The following ZNF385B variants were observed in gnomAD, a reference collection of about 807,000 sequenced individuals.
ZNF385B encodes the protein zinc finger protein 533.
In ZNF385B, 23 loss-of-function variants were observed where a neutral mutation model predicts 39.2. The observed-to-expected ratio is 0.59, with a 90% CI of 0.42 to 0.83. ZNF385B has a LOEUF of 0.83. Among genes scored for constraint, ZNF385B ranks in the 40% least tolerant of loss-of-function variants. The pLI, the probability that ZNF385B is intolerant of heterozygous loss-of-function variation, is 0.00. For missense variants in ZNF385B, 552 were observed against 598.9 expected (o/e 0.92, Z 0.82); for synonymous variants, 205 against 222.6 (o/e 0.92, Z 0.70).
At chr2:179,741,015 C>T (rs1256786716) in intron 3 of ZNF385B, among the ~76,000 whole-genome samples, 2 of 152,068 alleles carry the variant, frequency 1.3e-5, no homozygotes, top group African/African-American at 2.4e-5. Flanking sequence ...ACATTTAATT[C>T]AAAGAAGATA....
chr2:179,533,063 T>C (rs2105865783), intron 4 of ZNF385B, among the ~76,000 whole-genome samples: 1 of 152,310 alleles, frequency 6.6e-6, no homozygotes, highest in Non-Finnish European at 1.5e-5. Context: ...ACCCTTGCAC[T>C]GTAACAAAAT....
rs35322965 is a variant in ZNF385B at position 179,594,797 on chromosome 2, CT to C, written c.299-49829del. On this transcript the variant is annotated intron_variant, in intron 3 of 9. Transcript: ENST00000410066. ...TTGTCTCAGTTGATATAGGTAAACT[CT>C]TTTTTTTTTTTTCTGTTTTGTTTTT... Among the ~76,000 whole-genome samples, 46 of 145,462 alleles carry C rather than the reference CT, an allele frequency of 3.2e-4. 1 individual carries two copies. The highest frequency in any genetic ancestry group is 7.6e-4 in the African/African-American group (30 of 39,490).
chr2:179,705,469 T>A (rs1245455134), intron 3 of ZNF385B, among the ~76,000 whole-genome samples: 4 of 152,208 alleles, frequency 2.6e-5, no homozygotes, highest in East Asian at 3.8e-4. Context: ...AACATCCACA[T>A]GGGCAGCCCA....
Position 179,714,304 on chromosome 2 carries a change from T to C in ZNF385B, c.298+55199A>G, listed in dbSNP as rs188495243. Among the ~76,000 whole-genome samples the C allele has an allele frequency of 1.1e-3, 165 of 152,322 alleles. 3 individuals carry two copies. Among genetic ancestry groups the C allele is most frequent in the Admixed American group, 0.01 (153 of 15,294 alleles). On this transcript the variant is annotated intron_variant, in intron 3 of 9. Coordinates refer to ENST00000410066, the MANE Select transcript of ZNF385B (RefSeq NM_152520.6). ...TATCTCAGTTAATTCCATGATACCT[T>C]CATAAGCAAGGACTATTGTTATTCC... is the stretch of plus-strand genomic sequence containing the variant.
chr2:179,521,352 A>C (rs1293501992), intron 4 of ZNF385B, among the ~76,000 whole-genome samples: 1 of 34,540 alleles, frequency 2.9e-5, no homozygotes, highest in African/African-American at 8.8e-5. Context: ...GCACCTGGCC[A>C]GTTTTTTTTT....
intron 1 of ZNF385B, among the ~76,000 whole-genome samples, chr2:179,798,111 T>C (rs1705791143): frequency 6.6e-6 from 1 of 152,108 alleles, no homozygotes; most frequent in East Asian, 1.9e-4. Context: ...ACTTATGGAT[T>C]CTAACATATC....
chr2:179,452,184 G>T (rs189607144), intron 6 of ZNF385B, among the ~76,000 whole-genome samples: 40 of 152,134 alleles, frequency 2.6e-4, no homozygotes, highest in South Asian at 1.5e-3. Flanking sequence ...AGTGTCCTTG[G>T]GAAGTTCCAT....
intron 1 of ZNF385B, among the ~76,000 whole-genome samples, chr2:179,774,821 T>G (rs893017700): frequency 2.0e-5 from 3 of 152,196 alleles, no homozygotes; most frequent in Non-Finnish European, 4.4e-5. Flanking sequence ...TTTCATCTTG[T>G]AATTAAAAAT....
chr2:179,707,559 A>G (rs570105690), intron 3 of ZNF385B, among the ~76,000 whole-genome samples: 2 of 152,334 alleles, frequency 1.3e-5, no homozygotes, highest in South Asian at 4.1e-4. Flanking sequence ...TGAGCTTTTC[A>G]CTGCCAGCAT....
intron 1 of ZNF385B, among the ~76,000 whole-genome samples, chr2:179,844,028 C>T (rs193121212): frequency 2.5e-3 from 388 of 152,302 alleles, no homozygotes; most frequent in South Asian, 5.2e-3. Context: ...CAGAAAGAAG[C>T]GAGCAAGCCA....
At chr2:179,678,083 A>G (rs931404040) in intron 3 of ZNF385B, among the ~76,000 whole-genome samples, 14 of 152,196 alleles carry the variant, frequency 9.2e-5, no homozygotes, top group African/African-American at 3.4e-4. Context: ...GTTAAAGTCA[A>G]ACTGAATAAG....
chr2:179,647,447 C>T (rs1336762381), intron 3 of ZNF385B, among the ~76,000 whole-genome samples: 1 of 152,140 alleles, frequency 6.6e-6, no homozygotes, highest in Non-Finnish European at 1.5e-5. Context: ...CTATACCATA[C>T]TGCTGAGTCC....
At chr2:179,639,265 G>GA (rs1305144983) in intron 3 of ZNF385B, among the ~76,000 whole-genome samples, 3 of 134,402 alleles carry the variant, frequency 2.2e-5, no homozygotes, top group Non-Finnish European at 4.9e-5. Flanking sequence ...AGAAAGAAAA[G>GA]AAAAAAATGA....
rs146899118 is a variant in ZNF385B at position 179,493,504 on chromosome 2, T to C, written c.553-10070A>G. Among the ~76,000 whole-genome samples the C allele has an allele frequency of 2.5e-4, 37 of 150,654 alleles. 1 individual carries two copies. The East Asian group carries it at 6.0e-3, about 25-fold the overall frequency. The stretch of plus-strand genomic sequence containing the variant: ...ACATATGTATAAACGTGTGTGTACA[T>C]ATATGCGTATACATATGTGTGTACA... On this transcript the variant is annotated intron_variant, in intron 5 of 9. Transcript: ENST00000410066.
At chr2:179,476,442 G>T (rs187909938) in intron 6 of ZNF385B, among the ~76,000 whole-genome samples, 59 of 152,300 alleles carry the variant, frequency 3.9e-4, no homozygotes, top group African/African-American at 1.4e-3. Context: ...TTTTGGAGTG[G>T]TTTTTAATGT....
At chr2:179,518,502 G>C (rs2058250553) in intron 5 of ZNF385B, 26 bp downstream of exon 5, 1 of 1,486,558 alleles carries the variant, frequency 6.7e-7, no homozygotes, top group Non-Finnish European at 9.3e-7. Flanking sequence ...ACAAACTACA[G>C]AGAATAATGA....
At chr2:179,832,002 C>T (rs370314787) in intron 1 of ZNF385B, among the ~76,000 whole-genome samples, 52 of 152,294 alleles carry the variant, frequency 3.4e-4, no homozygotes, top group African/African-American at 1.2e-3. Context: ...AGTTTCATTT[C>T]AATTTAGGCA....
At chr2:179,620,908 T>C (rs905798978) in intron 3 of ZNF385B, among the ~76,000 whole-genome samples, 2 of 152,170 alleles carry the variant, frequency 1.3e-5, no homozygotes, top group Admixed American at 6.6e-5. Context: ...GTTGTATACA[T>C]GTCTGGTGTT....
At chr2:179,523,054 A>T (rs528270415) in intron 4 of ZNF385B, 2 of 254,904 alleles carry the variant, frequency 7.8e-6, no homozygotes, top group Non-Finnish European at 1.7e-5. Flanking sequence ...AAAGGCAGCA[A>T]AAGTTAACAC....
Sources: allele counts gnomAD v4.1 joint callset (sites outside exome capture counted in the v4.1 genomes callset), GRCh38; gene constraint gnomAD v4.1.1; transcripts MANE v1.5; gene names NCBI Gene and HGNC (gene_info 2026-07-23, HGNC 2026-07-21).